SMARCA2: variants seen among roughly 807,000 people sequenced by gnomAD.
SMARCA2 encodes SWI/SNF-related matrix-associated actin-dependent regulator of chromatin subfamily A member 2.
SMARCA2 carries 61 observed loss-of-function variants against 199.8 expected under a neutral mutation model. The observed-to-expected ratio is 0.31, with a 90% CI of 0.25 to 0.38. The LOEUF is 0.38. SMARCA2 is among the 10% of genes least tolerant of loss of function. The pLI, the probability that SMARCA2 is intolerant of heterozygous loss-of-function variation, is 1.00. For missense variants in SMARCA2, 1,344 were observed against 2,012.2 expected (o/e 0.67, Z 6.35); for synonymous variants, 935 against 732.0 (o/e 1.28, Z -4.48).
chr9:2,066,368 C>T (rs1399047526), intron 9 of SMARCA2, among the ~76,000 whole-genome samples: 1 of 152,184 alleles, frequency 6.6e-6, no homozygotes, highest in East Asian at 1.9e-4. Flanking sequence ...AGATTTCTTT[C>T]CCTCCTCAGC....
rs1399975183 is a variant in SMARCA2 at position 2,047,269 on chromosome 9, G to C, written c.831G>C (p.Lys277Asn). Residue 277 changes from lysine (K) to asparagine (N), a missense_variant, in exon 5 of 34, where the codon AAG becomes AAC. Lys to Asn is a moderately conservative substitution (Grantham distance 94). This residue lies in a region of SMARCA2 where 117 missense variants were observed against 99.1 expected (regional missense o/e 1.18). Coordinates refer to ENST00000349721, the MANE Select transcript of SMARCA2 (RefSeq NM_003070.5). ...TGAGCGGCCCGAGCACCCCGCAGAA[G>C]CTGCCGGTGCCCGCGCCCGGCGGCC... ...PELSGPSTPQ[K>N]LPVPAPGGRP... 1 of 1,006,852 alleles carries C rather than the reference G, an allele frequency of 9.9e-7. No individual in the cohort carries two copies. Among genetic ancestry groups the C allele is most frequent in the Admixed American group, 6.1e-5 (1 of 16,348 alleles). 62.4% of individuals were successfully genotyped at this position (1,006,852 alleles called of 1,614,324 possible). A position where few individuals can be genotyped will look rare whatever the true frequency, so the allele number is the denominator to read the frequency against.
At chr9:2,180,262 C>T (rs1252832172) in intron 29 of SMARCA2, among the ~76,000 whole-genome samples, 5 of 152,046 alleles carry the variant, frequency 3.3e-5, no homozygotes, top group African/African-American at 9.7e-5. Flanking sequence ...AAACGATGAC[C>T]CAGTGTAGCA....
At chr9:2,109,631 G>T (rs922549235) in intron 23 of SMARCA2, among the ~76,000 whole-genome samples, 4 of 123,392 alleles carry the variant, frequency 3.2e-5, no homozygotes, top group African/African-American at 5.1e-5. Flanking sequence ...GAGATTTCTT[G>T]TGGGGGGGGT....
intron 1 of SMARCA2, among the ~76,000 whole-genome samples, chr9:2,026,969 C>G (rs1266251680): frequency 1.3e-5 from 2 of 152,178 alleles, no homozygotes; most frequent in Non-Finnish European, 2.9e-5. Context: ...GCCACTTGTA[C>G]TGGGTTCCCT....
Position 2,191,271 on chromosome 9 carries a change from T to A in SMARCA2, c.4600T>A (p.Ser1534Thr), listed in dbSNP as rs770706675. The change falls in exon 33 of 34, where the codon TCA (serine) becomes ACA (threonine). Residue 1534 changes from serine (S) to threonine (T), a missense_variant. Coordinates refer to ENST00000349721, the MANE Select transcript of SMARCA2 (RefSeq NM_003070.5). ...TTCATTTGCTTTGGTTTTAGCAAAA[T>A]CAGTCAAGGTGAAAATTAAGCTCAA... Reference protein sequence around the residue: ...DEEESESEAKSVKVKIKLNKK... With the variant: ...DEEESESEAKTVKVKIKLNKK... 4 of 1,613,960 alleles carry A rather than the reference T, an allele frequency of 2.5e-6. No individual in the cohort carries two copies. The highest frequency in any genetic ancestry group is 2.5e-6 in the Non-Finnish European group (3 of 1,179,942).
At chr9:2,033,873 C>G (rs1040262973) in intron 3 of SMARCA2, among the ~76,000 whole-genome samples, 11 of 152,166 alleles carry the variant, frequency 7.2e-5, no homozygotes, top group African/African-American at 2.4e-4. Flanking sequence ...AGATTGTCTT[C>G]TTTTTATGGG....
chr9:2,039,390 A>G lies in SMARCA2; in HGVS notation c.356-76A>G, dbSNP rs1819477820. The G allele has an allele frequency of 7.2e-7, 1 of 1,386,778 alleles. No homozygotes were observed. The highest frequency in any genetic ancestry group is 9.9e-7 in the Non-Finnish European group (1 of 1,009,576). The allele number at this position is 1,386,778 out of a possible 1,614,324, so 85.9% of individuals were successfully genotyped here. On this transcript the variant is annotated intron_variant, in intron 3 of 33. Coordinates refer to ENST00000349721, the MANE Select transcript of SMARCA2 (RefSeq NM_003070.5). The surrounding 1 kb of genome is among the most constrained non-coding windows in gnomAD (Gnocchi z 4.8). ...TCAGACAGTGTTGCTGTGGACAATT[A>G]TTAGAGTATTCAGGGATATCTCTCT... is the stretch of plus-strand genomic sequence containing the variant.
At chr9:2,163,664 C>T (rs534439580) in intron 28 of SMARCA2, among the ~76,000 whole-genome samples, 30 of 152,254 alleles carry the variant, frequency 2.0e-4, no homozygotes, top group Middle Eastern at 3.4e-3. Flanking sequence ...GAGAGTGTAA[C>T]GTCTGTTTCT....
intron 2 of SMARCA2, among the ~76,000 whole-genome samples, chr9:2,030,180 C>T (rs1301050939): frequency 1.3e-5 from 2 of 152,050 alleles, no homozygotes; most frequent in African/African-American, 4.8e-5. Flanking sequence ...AGAAACGGAA[C>T]CAATAGGAGA....
chr9:2,147,850 A>G (rs1824845973), intron 27 of SMARCA2, among the ~76,000 whole-genome samples: 1 of 151,174 alleles, frequency 6.6e-6, no homozygotes, highest in Non-Finnish European at 1.5e-5. Flanking sequence ...TCCGTCTCAA[A>G]AAAAAAAAGT....
At chr9:2,167,948 G>T (rs1420078849) in intron 28 of SMARCA2, among the ~76,000 whole-genome samples, 1 of 152,006 alleles carries the variant, frequency 6.6e-6, no homozygotes, top group East Asian at 1.9e-4. Flanking sequence ...ATTATCTGAG[G>T]ATACAATGAC....
At position 2,110,342 on chromosome 9, in the gene SMARCA2, A is replaced by G; in HGVS notation, c.3381A>G (p.Arg1127=). Residue 1127 remains arginine, a synonymous_variant, in exon 24 of 34, where the codon AGA becomes AGG. Coordinates refer to ENST00000349721, the MANE Select transcript of SMARCA2 (RefSeq NM_003070.5). The surrounding 1 kb of genome is among the most constrained non-coding windows in gnomAD (Gnocchi z 4.8). Reference sequence around the variant, plus strand: ...ATTTCATTTTCTTGCTGAGCACAAGAGCTGGTGGCCTGGGCTTAAATCTTC... The same window carrying G: ...ATTTCATTTTCTTGCTGAGCACAAGGGCTGGTGGCCTGGGCTTAAATCTTC... ...SQYFIFLLST[R]AGGLGLNLQA... 6.2e-7 allele frequency: 1 copy of G among 1,613,796 alleles called. No homozygotes were observed. The highest frequency in any genetic ancestry group is 8.5e-7 in the Non-Finnish European group (1 of 1,179,876).
At chr9:2,135,970 T>C (rs113366625) in intron 27 of SMARCA2, among the ~76,000 whole-genome samples, 15 of 152,104 alleles carry the variant, frequency 9.9e-5, no homozygotes, top group African/African-American at 3.1e-4. Context: ...GTCTCCCGAG[T>C]AGCTGGGACT....
intron 14 of SMARCA2, chr9:2,079,813 A>G (rs1355986247): frequency 6.6e-6 from 1 of 152,218 alleles, no homozygotes; most frequent in Non-Finnish European, 1.5e-5. Flanking sequence ...CATCTTTTGA[A>G]TTATTTGTGA....
chr9:2,125,036 A>G (rs906430553), intron 27 of SMARCA2, among the ~76,000 whole-genome samples: 1 of 152,198 alleles, frequency 6.6e-6, no homozygotes, highest in East Asian at 1.9e-4. Flanking sequence ...TTTAGGACCC[A>G]GGTTTTAAGT....
At chr9:2,101,213 TA>T (rs1161026218) in intron 21 of SMARCA2, among the ~76,000 whole-genome samples, 1 of 152,114 alleles carries the variant, frequency 6.6e-6, no homozygotes, top group Non-Finnish European at 1.5e-5. Context: ...TGTGCTCTTC[TA>T]GTCTAGACTC....
At chr9:2,118,082 A>G (rs771416097) in intron 25 of SMARCA2, among the ~76,000 whole-genome samples, 13 of 152,174 alleles carry the variant, frequency 8.5e-5, no homozygotes, top group African/African-American at 3.1e-4. Context: ...CATCTTGGGC[A>G]TGGGGTTGTC....
chr9:2,050,625 ATT>A (rs34545845), intron 5 of SMARCA2, among the ~76,000 whole-genome samples: 22 of 143,508 alleles, frequency 1.5e-4, no homozygotes, highest in African/African-American at 1.3e-4. Flanking sequence ...CTTACCTGTG[ATT>A]TTTTTTTTTT....
At chr9:2,180,388 C>CT (rs1826941267) in intron 29 of SMARCA2, among the ~76,000 whole-genome samples, 1 of 152,108 alleles carries the variant, frequency 6.6e-6, no homozygotes, top group African/African-American at 2.4e-5. Context: ...CTGCGCATGC[C>CT]TTTTTTATGA....
Sources: allele counts gnomAD v4.1 joint callset (sites outside exome capture counted in the v4.1 genomes callset), GRCh38; gene constraint gnomAD v4.1.1; regional missense constraint gnomAD v4.1.1; non-coding constraint Gnocchi (gnomAD v3.1); transcripts MANE v1.5; gene names NCBI Gene and HGNC (gene_info 2026-07-23, HGNC 2026-07-21).